Variants in PPP1R1C observed in about 807,000 individuals in gnomAD.
PPP1R1C encodes protein phosphatase 1 regulatory subunit 1C.
Under a neutral mutation model 17.4 loss-of-function variants are expected in PPP1R1C, and 15 were observed. The observed-to-expected ratio is 0.86, with a 90% CI of 0.58 to 1.33. PPP1R1C has a LOEUF of 1.33. PPP1R1C is among the 40% of genes most tolerant of loss of function. The probability of loss-of-function intolerance (pLI) is 0.00; values close to 1 mark genes in which losing one functional copy is unlikely to be tolerated. For synonymous variants in PPP1R1C, 35 were observed against 43.1 expected (o/e 0.81, Z 0.73); for missense variants, 143 against 130.0 (o/e 1.10, Z -0.48).
chr2:182,077,527 A>G (rs1264231104), intron 4 of PPP1R1C, among the ~76,000 whole-genome samples: 1 of 152,168 alleles, frequency 6.6e-6, no homozygotes, highest in Non-Finnish European at 1.5e-5. Context: ...CTTTTCAGAC[A>G]GGCATTTTAA....
chr2:181,986,151 C>T lies in PPP1R1C; in HGVS notation c.41C>T (p.Pro14Leu), dbSNP rs897820854. The T allele has an allele frequency of 1.2e-6, 2 of 1,613,674 alleles. No individual in the cohort carries two copies. The highest frequency in any genetic ancestry group is 1.7e-6 in the Non-Finnish European group (2 of 1,179,742). ...NSPKKIQFAV[P>L]VFQSQIAPEA... ...CCCAAAAAGATACAGTTTGCCGTGCCTGTATTCCAGAGTCAGATTGCACCT... is the reference window on the plus strand; with the variant it reads ...CCCAAAAAGATACAGTTTGCCGTGCTTGTATTCCAGAGTCAGATTGCACCT... The change falls in exon 1 of 5, where the codon CCT becomes CTT. Residue 14 changes from proline (P) to leucine (L), a missense_variant. Transcript: ENST00000682840.
chr2:182,078,941 C>T (rs1342846652), intron 4 of PPP1R1C, among the ~76,000 whole-genome samples: 3 of 152,102 alleles, frequency 2.0e-5, no homozygotes, highest in Non-Finnish European at 2.9e-5. Flanking sequence ...GAAAGTATGG[C>T]CAGGCAACAT....
Position 181,962,086 on chromosome 2 carries a change from CT to C in PPP1R1C, n.111+7454del, listed in dbSNP as rs896348506. The C allele has an allele frequency of 1.7e-5, 12 of 722,542 alleles. No homozygotes were observed. In the Admixed American group the frequency reaches 1.9e-4, roughly 12 times the overall value. The allele number at this position is 722,542 out of a possible 1,614,324, so 44.8% of individuals were successfully genotyped here. A position where few individuals can be genotyped will look rare whatever the true frequency, so the allele number is the denominator to read the frequency against. On this transcript the variant is annotated intron_variant and non_coding_transcript_variant, in intron 1 of 5. Coordinates refer to the PPP1R1C transcript ENST00000464264. The surrounding 1 kb of genome is among the most constrained non-coding windows in gnomAD (Gnocchi z 6.0). The stretch of plus-strand genomic sequence containing the variant: ...TCTGAACCCTCAGGTCCTCGATGGT[CT>C]TGAGGTAATGACTCCAGTCTCTGAC...
chr2:182,124,469 T>A (rs1689825743), intron 5 of PPP1R1C, among the ~76,000 whole-genome samples: 1 of 151,792 alleles, frequency 6.6e-6, no homozygotes, highest in Admixed American at 6.6e-5. Context: ...TAGCATTGAA[T>A]CTATAAATTA....
chr2:181,977,750 T>C (rs1685120158), intron 2 of PPP1R1C, among the ~76,000 whole-genome samples: 1 of 152,176 alleles, frequency 6.6e-6, no homozygotes, highest in East Asian at 1.9e-4. Context: ...AAAGTGAAGA[T>C]GACTTGTCTC....
At chr2:182,069,278 T>C (rs1688075031) in intron 4 of PPP1R1C, among the ~76,000 whole-genome samples, 1 of 151,970 alleles carries the variant, frequency 6.6e-6, no homozygotes, top group Non-Finnish European at 1.5e-5. Flanking sequence ...CGCTTTCTTT[T>C]TTTTTTTTTT....
intron 4 of PPP1R1C, among the ~76,000 whole-genome samples, chr2:182,116,570 T>G (rs1350393088): frequency 6.6e-6 from 1 of 152,140 alleles, no homozygotes; most frequent in Non-Finnish European, 1.5e-5. Context: ...TGTTGTTAAG[T>G]GTAAATTACC....
At chr2:182,063,549 T>A (rs1462853247) in intron 3 of PPP1R1C, among the ~76,000 whole-genome samples, 182 bp from the exon 4 acceptor site, 1 of 152,104 alleles carries the variant, frequency 6.6e-6, no homozygotes, top group Non-Finnish European at 1.5e-5. Context: ...TCCATGTATC[T>A]CTTAAGTCTG....
At chr2:182,121,144 C>T (rs1382503678), downstream of PPP1R1C, among the ~76,000 whole-genome samples, 1 of 152,146 alleles carries the variant, frequency 6.6e-6, no homozygotes, top group Non-Finnish European at 1.5e-5. Flanking sequence ...AAAACAGAAA[C>T]TATATTTCCC....
At chr2:181,993,335 A>G (rs1230490981) in intron 2 of PPP1R1C, among the ~76,000 whole-genome samples, 2 of 152,158 alleles carry the variant, frequency 1.3e-5, no homozygotes, top group Non-Finnish European at 2.9e-5. Context: ...ATTGGGCTCC[A>G]GGGACCATAC....
At chr2:182,125,186 T>A (rs1434970405) in intron 5 of PPP1R1C, among the ~76,000 whole-genome samples, 2 of 152,334 alleles carry the variant, frequency 1.3e-5, no homozygotes, top group East Asian at 3.9e-4. Flanking sequence ...GTTCTGTTTA[T>A]GTGATGGATG....
intron 3 of PPP1R1C, 95 bp downstream of exon 3, chr2:182,061,574 T>C (rs1253745185): frequency 3.1e-6 from 2 of 654,340 alleles, no homozygotes; most frequent in African/African-American, 3.9e-5. Flanking sequence ...ATGATACAAC[T>C]GTAATAAAAC....
chr2:181,995,907 G>A (rs1425932138), intron 2 of PPP1R1C, among the ~76,000 whole-genome samples: 2 of 152,094 alleles, frequency 1.3e-5, no homozygotes, highest in African/African-American at 2.4e-5. Flanking sequence ...TTTACCAGGG[G>A]CTTAAGCAGA....
chr2:181,979,868 ATTTTTGTGTG>A (rs1685163319), intron 2 of PPP1R1C, among the ~76,000 whole-genome samples: 1 of 152,294 alleles, frequency 6.6e-6, no homozygotes, highest in South Asian at 2.1e-4. Flanking sequence ...GAATATCTTT[ATTTTTGTGTG>A]TTTTTGTGTA....
exon 1 of PPP1R1C, chr2:181,954,545 C>T (rs1483375113): frequency 6.6e-6 from 1 of 152,142 alleles, no homozygotes; most frequent in Non-Finnish European, 1.5e-5. Flanking sequence ...TGTACCGAGA[C>T]CTTGGAGAGC....
chr2:181,969,369 T>C (rs763510905), intron 1 of PPP1R1C, among the ~76,000 whole-genome samples: 2 of 152,196 alleles, frequency 1.3e-5, no homozygotes, highest in Non-Finnish European at 2.9e-5. Context: ...CTGGTTATAC[T>C]ATTCTAAGAT....
chr2:182,053,401 G>T (rs966233663), intron 2 of PPP1R1C, among the ~76,000 whole-genome samples: 2 of 152,092 alleles, frequency 1.3e-5, no homozygotes, highest in African/African-American at 4.8e-5. Flanking sequence ...TGTAACTATT[G>T]ATCTTTTTCG....
rs371566807 is a variant in PPP1R1C, at chr2:182,011,217, G to C, written c.142+23318G>C. ...TCAGTGTTAGTTCTTTAAATGACGGGTAAAATTCAGCAGTGAAGCTATTGG... is the reference window on the plus strand; with the variant it reads ...TCAGTGTTAGTTCTTTAAATGACGGCTAAAATTCAGCAGTGAAGCTATTGG... On this transcript the variant is annotated intron_variant, in intron 2 of 4. Coordinates refer to ENST00000682840, the MANE Select transcript of PPP1R1C (RefSeq NM_001080545.3). 3.3e-5 allele frequency among the ~76,000 whole-genome samples: 5 copies of C among 152,036 alleles called. No individual in the cohort carries two copies. The East Asian group carries it at 5.8e-4, about 18-fold the overall frequency.
rs139593353 is a variant in PPP1R1C, at chr2:182,037,339, A to G, written c.143-24103A>G. 6.3e-4 allele frequency among the ~76,000 whole-genome samples: 96 copies of G among 152,312 alleles called. 2 individuals are homozygous for G. Among genetic ancestry groups the G allele is most frequent in the African/African-American group, 2.2e-3 (93 of 41,576 alleles). On this transcript the variant is annotated intron_variant, in intron 2 of 4. Transcript: ENST00000682840. ...GTTATTTAGCCTTCTAGGCTCAGGA[A>G]GCACTTTGGGAGGCCAAGGCCAGAG...
Sources: gnomAD v4.1 joint callset for allele counts (sites outside exome capture counted in the v4.1 genomes callset) on GRCh38, gnomAD v4.1.1 for gene constraint, Gnocchi (gnomAD v3.1) non-coding constraint, MANE v1.5 for transcripts, NCBI Gene and HGNC (gene_info 2026-07-23, HGNC 2026-07-21) for gene names.